Variants in TNS3 observed in about 807,000 individuals in gnomAD.
TNS3 encodes tensin-3.
A neutral mutation model predicts 140.9 loss-of-function variants in TNS3; 45 were observed. The observed-to-expected ratio is 0.32, with a 90% CI of 0.25 to 0.41. TNS3 has a LOEUF of 0.41. Ranked by LOEUF, TNS3 falls within the 10% of genes least tolerant of loss-of-function variation. The pLI, the probability that TNS3 is intolerant of heterozygous loss-of-function variation, is 1.00. For missense variants in TNS3, 1,716 were observed against 1,906.7 expected (o/e 0.90, Z 1.86); for synonymous variants, 815 against 788.4 (o/e 1.03, Z -0.56).
chr7:47,447,141 G>A (rs1453453254), intron 4 of TNS3, among the ~76,000 whole-genome samples: 2 of 150,670 alleles, frequency 1.3e-5, no homozygotes, highest in African/African-American at 4.9e-5. Flanking sequence ...ACACTTGGAG[G>A]TCATCCCAGT....
At position 47,505,254 on chromosome 7, in the gene TNS3, C is replaced by A. The variant is rs926586129; in HGVS notation, c.-115+1653G>T. Among the ~76,000 whole-genome samples, 3 of 152,188 alleles carry A rather than the reference C, an allele frequency of 2.0e-5. No individual in the cohort carries two copies. The South Asian group carries it at 6.2e-4, about 32-fold the overall frequency. ...GCTCTCCAAGTCTGAAATGCTCCCC[C>A]AAAGGTACAATCTTCCCACTCACCA... On this transcript the variant is annotated intron_variant, in intron 3 of 30. Coordinates refer to ENST00000311160, the MANE Select transcript of TNS3 (RefSeq NM_022748.12).
chr7:47,394,282 A>G (rs1254811493), intron 16 of TNS3, among the ~76,000 whole-genome samples: 1 of 152,220 alleles, frequency 6.6e-6, no homozygotes, highest in African/African-American at 2.4e-5. Context: ...CGGTGCTCAG[A>G]GCATAAGGGT....
At chr7:47,479,245 AG>A (rs1797321138) in intron 4 of TNS3, among the ~76,000 whole-genome samples, 1 of 152,194 alleles carries the variant, frequency 6.6e-6, no homozygotes. Context: ...TCTGATGTCC[AG>A]GGCTCACCAA....
chr7:47,523,082 G>C (rs1799048463), intron 2 of TNS3, among the ~76,000 whole-genome samples: 1 of 152,150 alleles, frequency 6.6e-6, no homozygotes, highest in African/African-American at 2.4e-5. Flanking sequence ...TCTGGAGGCT[G>C]CAAGTCCAAG....
At chr7:47,299,749 T>G (rs1786274719) in intron 23 of TNS3, among the ~76,000 whole-genome samples, 1 of 152,152 alleles carries the variant, frequency 6.6e-6, no homozygotes, top group African/African-American at 2.4e-5. Context: ...CCGCTGTTTT[T>G]CCAAACAGAA....
At chr7:47,347,759 AAAG>A (rs1468972238) in intron 17 of TNS3, among the ~76,000 whole-genome samples, 2 of 152,156 alleles carry the variant, frequency 1.3e-5, no homozygotes, top group Non-Finnish European at 2.9e-5. Context: ...AGATCCAGGG[AAAG>A]AAGGAGGAAG....
At position 47,439,582 on chromosome 7, in the gene TNS3, C is replaced by G. The variant is rs1562743788; in HGVS notation, c.55G>C (p.Val19Leu). 1.2e-6 allele frequency: 2 copies of G among 1,614,132 alleles called. No homozygotes were observed. Among genetic ancestry groups the G allele is most frequent in the South Asian group, 1.1e-5 (1 of 91,066 alleles). ...TCAGAGCAGCCGGCAGGGAAGGACA[C>G]AGCGATGATGCGCTCCGTGATGTAA... ...LTYITERIIAVSFPAGCSEES... is the reference protein window; with the variant it reads ...LTYITERIIALSFPAGCSEES... The change falls in exon 6 of 31, where the codon GTG becomes CTG. Residue 19 changes from valine (V) to leucine (L), a missense_variant. Val to Leu is a conservative substitution (Grantham distance 32, BLOSUM62 1). This residue lies in a region of TNS3 where 337 missense variants were observed against 428.9 expected (regional missense o/e 0.79). Transcript: ENST00000311160.
intron 13 of TNS3, among the ~76,000 whole-genome samples, chr7:47,405,201 A>G (rs1205941957): frequency 6.6e-6 from 1 of 152,208 alleles, no homozygotes; most frequent in Non-Finnish European, 1.5e-5. Flanking sequence ...CCCAATTCAG[A>G]AGTCAGCCCT....
chr7:47,400,608 T>C (rs915417904), intron 14 of TNS3, 150 bp from the exon 15 acceptor site: 4 of 1,295,306 alleles, frequency 3.1e-6, no homozygotes, highest in Admixed American at 2.1e-5. Context: ...GGCAGTTTCA[T>C]TGGTTATCCA....
chr7:47,291,434 T>C (rs1036150574), intron 27 of TNS3, among the ~76,000 whole-genome samples: 2 of 152,160 alleles, frequency 1.3e-5, no homozygotes, highest in African/African-American at 2.4e-5. Flanking sequence ...TGCGTGTATA[T>C]GGTGTATCTC....
chr7:47,404,683 G>A (rs1793346221), intron 13 of TNS3, among the ~76,000 whole-genome samples: 2 of 151,572 alleles, frequency 1.3e-5, no homozygotes, highest in African/African-American at 2.4e-5. Flanking sequence ...TCAGGAGATC[G>A]ACACCATCCT....
intron 20 of TNS3, among the ~76,000 whole-genome samples, chr7:47,338,180 A>G (rs1312578857): frequency 6.6e-6 from 1 of 152,242 alleles, no homozygotes; most frequent in Non-Finnish European, 1.5e-5. Context: ...TTATGTGAAC[A>G]TAAGTCTATT....
chr7:47,507,438 T>C (rs1472120074), intron 2 of TNS3, among the ~76,000 whole-genome samples: 1 of 152,210 alleles, frequency 6.6e-6, no homozygotes, highest in Non-Finnish European at 1.5e-5. Flanking sequence ...TGGGAGCCTT[T>C]AAATTTGTGA....
At position 47,303,453 on chromosome 7, in the gene TNS3, A is replaced by G. The variant is rs1786541011; in HGVS notation, c.2954T>C (p.Leu985Pro). 1 of 1,612,768 alleles carries G rather than the reference A, an allele frequency of 6.2e-7. No homozygotes were observed. Among genetic ancestry groups the G allele is most frequent in the Non-Finnish European group, 8.5e-7 (1 of 1,179,988 alleles). ...FSGTRKDSPV[L>P]SCFPPSELQA... ...GAGCTCTGACGGCGGGAAGCAGGACAGCACTGGGGAGTCCTTCCTGGTACC... is the reference window on the plus strand; with the variant it reads ...GAGCTCTGACGGCGGGAAGCAGGACGGCACTGGGGAGTCCTTCCTGGTACC... The change falls in exon 22 of 31, where the codon CTG becomes CCG. Residue 985 changes from leucine to proline, a missense_variant. Leu to Pro is a moderately conservative substitution (Grantham distance 98, BLOSUM62 -3). Transcript: ENST00000311160.
intron 3 of TNS3, among the ~76,000 whole-genome samples, chr7:47,497,661 G>GA (rs1347565417): frequency 3.4e-5 from 1 of 29,536 alleles, no homozygotes; most frequent in Admixed American, 4.3e-4. Flanking sequence ...TTCACGTATG[G>GA]AACACACACA....
intron 4 of TNS3, among the ~76,000 whole-genome samples, chr7:47,443,361 C>T (rs1795565200): frequency 6.6e-6 from 1 of 152,084 alleles, no homozygotes; most frequent in East Asian, 1.9e-4. Flanking sequence ...CTCCAGACCC[C>T]GCCCACCCCT....
chr7:47,507,052 C>T (rs1798444485), intron 2 of TNS3, 108 bp from the exon 3 acceptor site: 2 of 919,884 alleles, frequency 2.2e-6, no homozygotes, highest in Non-Finnish European at 3.0e-6. Context: ...TTGAAGATCC[C>T]ATAGGTGGCC....
chr7:47,473,263 C>A (rs1046178389), intron 4 of TNS3, among the ~76,000 whole-genome samples: 1 of 152,150 alleles, frequency 6.6e-6, no homozygotes, highest in African/African-American at 2.4e-5. Context: ...GCTCTTCTGA[C>A]CAAATGGAAC....
chr7:47,285,671 G>A (rs1042191691), intron 27 of TNS3, among the ~76,000 whole-genome samples: 28 of 152,320 alleles, frequency 1.8e-4, no homozygotes, highest in African/African-American at 6.3e-4. Flanking sequence ...TTATCAGGTG[G>A]ATATGAAATG....
Sources: gnomAD v4.1 joint callset for allele counts (sites outside exome capture counted in the v4.1 genomes callset) on GRCh38, gnomAD v4.1.1 for gene constraint, gnomAD v4.1.1 regional missense constraint, MANE v1.5 for transcripts, NCBI Gene and HGNC (gene_info 2026-07-23, HGNC 2026-07-21) for gene names.